PDZRN4: variants seen among roughly 807,000 people sequenced by gnomAD.
PDZRN4 encodes the protein PDZ domain containing ring finger 4.
Under a neutral mutation model 99.0 loss-of-function variants are expected in PDZRN4, and 70 were observed. The observed-to-expected ratio is 0.71, with a 90% CI of 0.58 to 0.86. The LOEUF is 0.86. Ranked by LOEUF, PDZRN4 falls within the 40% of genes least tolerant of loss-of-function variation. PDZRN4 has a pLI of 0.00. For synonymous variants in PDZRN4, 551 were observed against 501.6 expected (o/e 1.10, Z -1.32); for missense variants, 1,474 against 1,331.2 (o/e 1.11, Z -1.67).
chr12:41,334,389 TAA>T (rs59977032), intron 3 of PDZRN4, among the ~76,000 whole-genome samples: 4,318 of 143,634 alleles, frequency 0.03, 122 homozygotes, highest in East Asian at 0.094. Context: ...AATGAAAAGT[TAA>T]AAAAAAAAAA....
chr12:41,418,386 A>G (rs762099806), intron 3 of PDZRN4, among the ~76,000 whole-genome samples: 3 of 152,330 alleles, frequency 2.0e-5, no homozygotes, highest in Non-Finnish European at 2.9e-5. Context: ...ACATTTTCAA[A>G]CACTAACAAA....
intron 8 of PDZRN4, among the ~76,000 whole-genome samples, chr12:41,567,199 C>A (rs1939388289): frequency 6.6e-6 from 1 of 152,200 alleles, no homozygotes; most frequent in Admixed American, 6.5e-5. Context: ...GCTTTTCTTT[C>A]CTTTCCTTGA....
In PDZRN4 at chr12:41,552,667, G is replaced by T. The variant is rs1478462912; in HGVS notation, c.1215G>T (p.Leu405Phe). The T allele has an allele frequency of 1.9e-6, 3 of 1,613,438 alleles. No individual in the cohort carries two copies. The highest frequency in any genetic ancestry group is 1.7e-5 in the Admixed American group (1 of 59,996). Residue 405 changes from leucine (L) to phenylalanine (F), a missense_variant, in exon 6 of 10, where the codon TTG becomes TTT. Transcript: ENST00000402685. ...TEDFEYEEVE[L>F]CRVSSQEKLG... ...TGTTGTTCTTTCAGGAGGTCGAGTT[G>T]TGTCGTGTTAGCAGTCAAGAGAAGC...
intron 3 of PDZRN4, among the ~76,000 whole-genome samples, chr12:41,252,146 A>T (rs761006420): frequency 6.6e-6 from 1 of 151,332 alleles, no homozygotes; most frequent in Non-Finnish European, 1.5e-5. Flanking sequence ...AATAAAATGA[A>T]GTAAAATAAG....
chr12:41,299,478 C>G (rs1000737261), intron 3 of PDZRN4, among the ~76,000 whole-genome samples: 2 of 152,032 alleles, frequency 1.3e-5, no homozygotes, highest in Non-Finnish European at 2.9e-5. Context: ...CAAGTTGATG[C>G]TAGCTATTTT....
At chr12:41,493,189 C>T (rs1937923187) in intron 3 of PDZRN4, among the ~76,000 whole-genome samples, 1 of 152,116 alleles carries the variant, frequency 6.6e-6, no homozygotes, top group Non-Finnish European at 1.5e-5. Flanking sequence ...CACTGGTTTC[C>T]GTATGCCATG....
At chr12:41,191,240 C>T (rs1950733433) in intron 1 of PDZRN4, among the ~76,000 whole-genome samples, 1 of 152,134 alleles carries the variant, frequency 6.6e-6, no homozygotes, top group Non-Finnish European at 1.5e-5. Flanking sequence ...GAAAATAGGG[C>T]TTTTTCCCCT....
chr12:41,419,227 C>T (rs1952471057), intron 3 of PDZRN4, among the ~76,000 whole-genome samples: 1 of 152,122 alleles, frequency 6.6e-6, no homozygotes, highest in East Asian at 1.9e-4. Flanking sequence ...GTGAGAGTCA[C>T]CATAAAGCTG....
intron 3 of PDZRN4, among the ~76,000 whole-genome samples, chr12:41,503,836 T>G (rs1184676296): frequency 6.6e-6 from 1 of 152,040 alleles, no homozygotes; most frequent in Non-Finnish European, 1.5e-5. Flanking sequence ...TGGTCACGAG[T>G]TTTTCACTTT....
chr12:41,336,626 A>G (rs1951776795), intron 3 of PDZRN4, among the ~76,000 whole-genome samples: 1 of 152,126 alleles, frequency 6.6e-6, no homozygotes, highest in Non-Finnish European at 1.5e-5. Flanking sequence ...AGAGTAATTC[A>G]CGCAGAGTGG....
At chr12:41,345,926 T>A (rs1004496181) in intron 3 of PDZRN4, among the ~76,000 whole-genome samples, 7 of 152,118 alleles carry the variant, frequency 4.6e-5, no homozygotes, top group Admixed American at 1.3e-4. Flanking sequence ...ATATTACATG[T>A]ATATTATTAC....
intron 3 of PDZRN4, among the ~76,000 whole-genome samples, chr12:41,238,799 A>G (rs191421805): frequency 1.3e-5 from 2 of 152,192 alleles, no homozygotes; most frequent in African/African-American, 4.8e-5. Flanking sequence ...TTAAAAAATA[A>G]AATAAAAAAA....
chr12:41,304,955 G>T (rs904487398), intron 3 of PDZRN4, among the ~76,000 whole-genome samples: 2 of 152,182 alleles, frequency 1.3e-5, no homozygotes, highest in Non-Finnish European at 2.9e-5. Context: ...ACTATTAGGT[G>T]GGCTAAAAAG....
intron 3 of PDZRN4, among the ~76,000 whole-genome samples, chr12:41,370,479 T>G (rs1003972192): frequency 9.9e-5 from 15 of 152,024 alleles, no homozygotes; most frequent in Admixed American, 9.8e-4. Flanking sequence ...GCCTTTTCTC[T>G]CTGTTGCTTA....
At chr12:41,447,443 A>G (rs1952738863) in intron 3 of PDZRN4, among the ~76,000 whole-genome samples, 1 of 152,162 alleles carries the variant, frequency 6.6e-6, no homozygotes, top group African/African-American at 2.4e-5. Flanking sequence ...AAGAAAGAAT[A>G]GAGACTTTTG....
At chr12:41,567,398 A>C (rs879669701) in intron 8 of PDZRN4, among the ~76,000 whole-genome samples, 1 of 152,174 alleles carries the variant, frequency 6.6e-6, no homozygotes, top group Non-Finnish European at 1.5e-5. Flanking sequence ...TAAAGAAAAC[A>C]GCCCAATTGT....
chr12:41,571,080 T>C (rs73282253), intron 9 of PDZRN4, among the ~76,000 whole-genome samples: 8,057 of 152,140 alleles, frequency 0.053, 750 homozygotes, highest in African/African-American at 0.18. Context: ...GTTGGCTTGA[T>C]TATATTTAAT....
At position 41,402,105 on chromosome 12, in the gene PDZRN4, T is replaced by TATAC. The variant is rs1187921185; in HGVS notation, c.844-104350_844-104349insTACA. ...AAAAAAAGAAATATATATATATATA[T>TATAC]ACACACTGAGTATATATATATATAT... On this transcript the variant is annotated intron_variant, in intron 3 of 9. Transcript: ENST00000402685. 1.3e-3 allele frequency among the ~76,000 whole-genome samples: 134 copies of TATAC among 106,408 alleles called. 14 individuals carry two copies. The highest frequency in any genetic ancestry group is 5.6e-3 in the African/African-American group (133 of 23,542). The allele number at this position is 106,408 out of a possible 152,430, so 69.8% of individuals were successfully genotyped here.
intron 3 of PDZRN4, among the ~76,000 whole-genome samples, chr12:41,268,669 T>A (rs1186283167): frequency 6.6e-6 from 1 of 152,194 alleles, no homozygotes. Flanking sequence ...GGAAATCACA[T>A]CATAATTTCC....
Sources: gnomAD v4.1 joint callset for allele counts (sites outside exome capture counted in the v4.1 genomes callset) on GRCh38, gnomAD v4.1.1 for gene constraint, MANE v1.5 for transcripts, NCBI Gene and HGNC (gene_info 2026-07-23, HGNC 2026-07-21) for gene names.